The following ST7L variants were observed in gnomAD, a reference collection of about 807,000 sequenced individuals.
ST7L encodes the protein suppressor of tumorigenicity 7 protein-like.
Under a neutral mutation model 72.5 loss-of-function variants are expected in ST7L, and 57 were observed. That is an observed-to-expected ratio of 0.79 (90% CI 0.64 to 0.98). The LOEUF (loss-of-function observed/expected upper bound fraction) is 0.98. ST7L is among the 50% of genes least tolerant of loss of function. ST7L has a pLI of 0.00. For missense variants in ST7L, 576 were observed against 672.2 expected (o/e 0.86, Z 1.58); for synonymous variants, 221 against 240.9 (o/e 0.92, Z 0.77).
At chr1:112,527,779 T>C (rs1257213624) in intron 14 of ST7L, 1 of 152,264 alleles carries the variant, frequency 6.6e-6, no homozygotes, top group Admixed American at 6.5e-5. Flanking sequence ...TTCCCAATTG[T>C]AGGGATCTAT....
At chr1:112,598,149 G>A in intron 4 of ST7L, 63 bp from the exon 5 acceptor site, 1 of 1,178,300 alleles carries the variant, frequency 8.5e-7, no homozygotes, top group East Asian at 2.5e-5. Context: ...TGCTATAACA[G>A]ACACTACTTA....
chr1:112,584,843 G>A (rs572765536), intron 6 of ST7L, among the ~76,000 whole-genome samples: 1 of 152,296 alleles, frequency 6.6e-6, no homozygotes, highest in Non-Finnish European at 1.5e-5. Flanking sequence ...CATGGGGCAG[G>A]TATGGGGAGG....
intron 11 of ST7L, among the ~76,000 whole-genome samples, chr1:112,560,903 C>T (rs1391124190): frequency 1.3e-5 from 2 of 149,136 alleles, no homozygotes; most frequent in Non-Finnish European, 3.0e-5. Context: ...GCAGGGGTTG[C>T]AGTAAGCCGA....
At chr1:112,603,456 G>T (rs2102066667) in intron 3 of ST7L, among the ~76,000 whole-genome samples, 1 of 152,130 alleles carries the variant, frequency 6.6e-6, no homozygotes, top group South Asian at 2.1e-4. Flanking sequence ...ATCAAAAAAA[G>T]GTATCCACAA....
At chr1:112,567,947 C>T (rs554335682) in intron 11 of ST7L, among the ~76,000 whole-genome samples, 205 of 152,120 alleles carry the variant, frequency 1.3e-3, no homozygotes, top group African/African-American at 4.7e-3. Flanking sequence ...TAAAGTTGGG[C>T]GATATTATTC....
chr1:112,576,152 G>A lies in ST7L; in HGVS notation c.1245+834C>T, dbSNP rs535470006. On this transcript the variant is annotated intron_variant, in intron 11 of 14. Transcript: ENST00000358039. Reference sequence around the variant, plus strand: ...TCACCCAAGGCTTCAGTGCAGTGGCGTGATTGCAGCTCACTACAGTCTCGA... The same window carrying A: ...TCACCCAAGGCTTCAGTGCAGTGGCATGATTGCAGCTCACTACAGTCTCGA... 4.6e-5 allele frequency among the ~76,000 whole-genome samples: 7 copies of A among 152,132 alleles called. No individual in the cohort carries two copies. The East Asian group carries it at 7.7e-4, about 17-fold the overall frequency.
chr1:112,533,406 C>T (rs1328374682), intron 14 of ST7L, among the ~76,000 whole-genome samples: 1 of 151,846 alleles, frequency 6.6e-6, no homozygotes, highest in African/African-American at 2.4e-5. Context: ...GCAATCTTGG[C>T]CTCCTGGGTT....
intron 6 of ST7L, among the ~76,000 whole-genome samples, chr1:112,590,798 C>T (rs1665579016): frequency 6.6e-6 from 1 of 152,102 alleles, no homozygotes; most frequent in African/African-American, 2.4e-5. Context: ...CTATGTTTTA[C>T]TTATTTTTAA....
intron 14 of ST7L, chr1:112,540,936 C>A: frequency 1.0e-6 from 1 of 985,554 alleles, no homozygotes; most frequent in Non-Finnish European, 1.4e-6. Context: ...GACTTAAAGG[C>A]AATTATCTTT....
chr1:112,605,342 G>T (rs1478908640), intron 3 of ST7L, among the ~76,000 whole-genome samples: 1 of 151,956 alleles, frequency 6.6e-6, no homozygotes, highest in Non-Finnish European at 1.5e-5. Context: ...GCAGTGAGCC[G>T]AGATTGCGCT....
chr1:112,572,528 T>G (rs1662316967), intron 11 of ST7L, among the ~76,000 whole-genome samples: 2 of 152,248 alleles, frequency 1.3e-5, no homozygotes. Flanking sequence ...TTATTATATC[T>G]ACCTTCATGG....
chr1:112,536,932 T>A (rs185029358), intron 14 of ST7L, among the ~76,000 whole-genome samples: 29 of 152,292 alleles, frequency 1.9e-4, no homozygotes, highest in African/African-American at 6.5e-4. Context: ...ATTCCTACCT[T>A]TACCTGTAAC....
chr1:112,532,020 T>C (rs556704612), intron 14 of ST7L, among the ~76,000 whole-genome samples: 1 of 152,310 alleles, frequency 6.6e-6, no homozygotes, highest in South Asian at 2.1e-4. Flanking sequence ...TTACAAGAGC[T>C]AAAATTCACC....
intron 1 of ST7L, chr1:112,618,677 G>C: frequency 1.2e-6 from 1 of 844,590 alleles, no homozygotes; most frequent in Non-Finnish European, 1.8e-6. Flanking sequence ...GGAAAAACGA[G>C]GACATAAGAG....
chr1:112,553,688 C>A (rs1164557148), intron 12 of ST7L, among the ~76,000 whole-genome samples: 3 of 152,150 alleles, frequency 2.0e-5, no homozygotes, highest in African/African-American at 7.2e-5. Flanking sequence ...TTGGACACTA[C>A]CATTCTCATT....
At chr1:112,589,344 C>T (rs564195787) in intron 6 of ST7L, among the ~76,000 whole-genome samples, 9 of 152,280 alleles carry the variant, frequency 5.9e-5, no homozygotes, top group African/African-American at 1.4e-4. Context: ...CTGCCTTGGC[C>T]TCCCAAAGTG....
chr1:112,568,880 ATATATAT>A (rs1275717711), intron 11 of ST7L, among the ~76,000 whole-genome samples: 10 of 140,860 alleles, frequency 7.1e-5, no homozygotes, highest in Non-Finnish European at 1.4e-4. Context: ...ATATATATAT[ATATATAT>A]AAAACAAAAA....
intron 12 of ST7L, among the ~76,000 whole-genome samples, chr1:112,554,754 A>G (rs1658803185): frequency 6.6e-6 from 1 of 152,164 alleles, no homozygotes. Flanking sequence ...TTAACAGATG[A>G]ATGGATAAAA....
chr1:112,568,071 G>A (rs1331838568), intron 11 of ST7L, among the ~76,000 whole-genome samples: 1 of 152,088 alleles, frequency 6.6e-6, no homozygotes, highest in Non-Finnish European at 1.5e-5. Flanking sequence ...AAATACCCAT[G>A]ATGTATAGCA....
Sources: allele counts gnomAD v4.1 joint callset (sites outside exome capture counted in the v4.1 genomes callset), GRCh38; gene constraint gnomAD v4.1.1; transcripts MANE v1.5; gene names NCBI Gene and HGNC (gene_info 2026-07-23, HGNC 2026-07-21).